MDGA2: variants seen among roughly 807,000 people sequenced by gnomAD.
The protein encoded by MDGA2 is MAM domain-containing glycosylphosphatidylinositol anchor protein 2.
In MDGA2, 40 loss-of-function variants were observed where a neutral mutation model predicts 117.8. The ratio of observed to expected loss-of-function variants is 0.34; its 90% CI spans 0.26 to 0.44. MDGA2 has a LOEUF of 0.44. MDGA2 is among the 20% of genes least tolerant of loss of function. The pLI is 1.00. For synonymous variants in MDGA2, 452 were observed against 439.0 expected (o/e 1.03, Z -0.37); for missense variants, 1,123 against 1,250.6 (o/e 0.90, Z 1.54).
chr14:47,414,164 C>G (rs1182468804), intron 1 of MDGA2, among the ~76,000 whole-genome samples: 2 of 152,106 alleles, frequency 1.3e-5, no homozygotes, highest in Non-Finnish European at 2.9e-5. Context: ...AGTTATAGCC[C>G]TAGACTATTA....
Position 46,840,217 on chromosome 14 carries a change from C to T in MDGA2, c.*1714G>A, listed in dbSNP as rs1275996029. The T allele has an allele frequency of 6.6e-6, 1 of 152,476 alleles. No individual in the cohort carries two copies. Among genetic ancestry groups the T allele is most frequent in the East Asian group, 1.9e-4 (1 of 5,194 alleles). The allele number at this position is 152,476 out of a possible 1,614,324, so 9.4% of individuals were successfully genotyped here. The stretch of plus-strand genomic sequence containing the variant: ...AAACAAGCTTTGTCATTTTCCACTA[C>T]ATTTTGTTGTGCTTTTATATTAATA... On this transcript the variant is annotated 3_prime_UTR_variant, in exon 17 of 17. Coordinates refer to ENST00000399232, the MANE Select transcript of MDGA2 (RefSeq NM_001113498.3).
At chr14:47,104,020 T>A (rs1286050970) in intron 5 of MDGA2, among the ~76,000 whole-genome samples, 2 of 152,210 alleles carry the variant, frequency 1.3e-5, no homozygotes, top group East Asian at 3.9e-4. Flanking sequence ...ACTCTCCTTG[T>A]CTTAACTGAC....
intron 10 of MDGA2, among the ~76,000 whole-genome samples, chr14:46,892,991 ATC>A (rs1285185964): frequency 2.0e-5 from 3 of 151,880 alleles, no homozygotes; most frequent in African/African-American, 7.2e-5. Context: ...TGACCCAGAA[ATC>A]TCTTTTCTAG....
At chr14:47,310,905 C>T (rs1161020572) in intron 1 of MDGA2, among the ~76,000 whole-genome samples, 4 of 152,086 alleles carry the variant, frequency 2.6e-5, no homozygotes, top group Admixed American at 6.6e-5. Context: ...GAAAGGATGG[C>T]ATTTAATCCT....
intron 1 of MDGA2, among the ~76,000 whole-genome samples, chr14:47,591,676 A>C (rs1896441925): frequency 6.6e-6 from 1 of 152,144 alleles, no homozygotes; most frequent in South Asian, 2.1e-4. Context: ...TCACATAAAC[A>C]AAACTAAAGA....
chr14:47,557,973 T>G (rs1249045135), intron 1 of MDGA2, among the ~76,000 whole-genome samples: 1 of 152,220 alleles, frequency 6.6e-6, no homozygotes. Context: ...AATACTTCAC[T>G]TATCTTACAT....
intron 1 of MDGA2, among the ~76,000 whole-genome samples, chr14:47,608,863 C>T (rs761614994): frequency 7.9e-5 from 12 of 151,858 alleles, no homozygotes; most frequent in African/African-American, 2.7e-4. Flanking sequence ...GCAGAGAAAC[C>T]GGCTGGATTC....
intron 1 of MDGA2, among the ~76,000 whole-genome samples, chr14:47,385,054 G>T (rs1407576965): frequency 2.6e-5 from 4 of 152,088 alleles, no homozygotes; most frequent in Admixed American, 2.6e-4. Flanking sequence ...ATAATCCTGG[G>T]TGAAGCAGCC....
At chr14:46,860,098 T>C (rs541337728) in intron 14 of MDGA2, among the ~76,000 whole-genome samples, 3 of 152,228 alleles carry the variant, frequency 2.0e-5, no homozygotes, top group Admixed American at 6.5e-5. Flanking sequence ...AATAGAAGTA[T>C]ATAAATATGG....
In MDGA2 at chr14:47,131,735, A is replaced by G. The variant is rs770548098; in HGVS notation, c.904T>C (p.Phe302Leu). The change falls in exon 5 of 17, where the codon TTT becomes CTT. Residue 302 changes from phenylalanine (F) to leucine (L), a missense_variant. This residue lies in a region of MDGA2 where 890 missense variants were observed against 1,050.3 expected (regional missense o/e 0.85). Transcript: ENST00000399232. ...ATACCTGTTTTATTGGACAGTCTAA[A>G]CGACACCATCTTATCAGGAATATTA... ...VCNIPDKMVSFRLSNKTASPS... is the reference protein window; with the variant it reads ...VCNIPDKMVSLRLSNKTASPS... 5.1e-6 allele frequency: 8 copies of G among 1,577,584 alleles called. No homozygotes were observed. In the South Asian group the frequency reaches 6.9e-5, roughly 14 times the overall value.
intron 1 of MDGA2, among the ~76,000 whole-genome samples, chr14:47,325,188 C>T (rs1308568538): frequency 6.6e-6 from 1 of 152,148 alleles, no homozygotes; most frequent in Non-Finnish European, 1.5e-5. Flanking sequence ...TATTCAGTAT[C>T]TGACTGATCT....
intron 1 of MDGA2, among the ~76,000 whole-genome samples, chr14:47,652,792 G>T (rs10444713): frequency 0.32 from 48,673 of 151,862 alleles, 8,465 homozygotes; most frequent in Middle Eastern, 0.41. Flanking sequence ...TATTTATCCA[G>T]CAACTGATAA....
At chr14:47,400,078 A>C (rs1413588487) in intron 1 of MDGA2, among the ~76,000 whole-genome samples, 1 of 152,214 alleles carries the variant, frequency 6.6e-6, no homozygotes, top group Non-Finnish European at 1.5e-5. Context: ...TTGACAGAGC[A>C]ATCATAAACA....
chr14:47,025,048 A>C (rs1360484107), intron 8 of MDGA2, among the ~76,000 whole-genome samples: 1 of 152,192 alleles, frequency 6.6e-6, no homozygotes. Context: ...GGCAAGTTAA[A>C]AAACAAAAAT....
intron 3 of MDGA2, among the ~76,000 whole-genome samples, chr14:47,209,148 A>G (rs1364553265): frequency 6.6e-6 from 1 of 152,084 alleles, no homozygotes; most frequent in Admixed American, 6.5e-5. Context: ...CAAATTTTTT[A>G]GATTTACTCA....
intron 2 of MDGA2, among the ~76,000 whole-genome samples, chr14:47,295,835 C>T (rs892612841): frequency 2.0e-5 from 3 of 151,930 alleles, no homozygotes; most frequent in African/African-American, 4.8e-5. Flanking sequence ...ACCCAAGAGG[C>T]GGAGGTTGCA....
At chr14:47,535,517 G>T (rs921372161) in intron 1 of MDGA2, among the ~76,000 whole-genome samples, 3 of 152,236 alleles carry the variant, frequency 2.0e-5, no homozygotes, top group Admixed American at 6.5e-5. Flanking sequence ...TTTTCTCCAA[G>T]ACTACAGGCC....
chr14:47,569,724 T>G (rs1895983686), intron 1 of MDGA2, among the ~76,000 whole-genome samples: 1 of 152,226 alleles, frequency 6.6e-6, no homozygotes, highest in African/African-American at 2.4e-5. Flanking sequence ...GTGTCCTAAT[T>G]CATTCAGTTT....
At chr14:47,547,972 CT>C (rs140388711) in intron 1 of MDGA2, among the ~76,000 whole-genome samples, 1,963 of 152,286 alleles carry the variant, frequency 0.013, 40 homozygotes, top group African/African-American at 0.044. Flanking sequence ...CGCCCCTCCC[CT>C]GCTTTCTGCT....
Sources: gnomAD v4.1 joint callset for allele counts (sites outside exome capture counted in the v4.1 genomes callset) on GRCh38, gnomAD v4.1.1 for gene constraint, gnomAD v4.1.1 regional missense constraint, MANE v1.5 for transcripts, NCBI Gene and HGNC (gene_info 2026-07-23, HGNC 2026-07-21) for gene names.